ENOX1: variants seen among roughly 807,000 people sequenced by gnomAD.
ENOX1 encodes the protein ecto-NOX disulfide-thiol exchanger 1, also known as candidate growth-related and time keeping constitutive hydroquinone (NADH) oxidase.
Under a neutral mutation model 82.5 loss-of-function variants are expected in ENOX1, and 42 were observed. The ratio of observed to expected loss-of-function variants is 0.51; its 90% CI spans 0.40 to 0.66. The LOEUF is 0.66. Among genes scored for constraint, ENOX1 ranks in the 30% least tolerant of loss-of-function variants. ENOX1 has a pLI of 0.00. For synonymous variants in ENOX1, 271 were observed against 282.2 expected (o/e 0.96, Z 0.40); for missense variants, 608 against 811.6 (o/e 0.75, Z 3.05).
At chr13:43,620,010 ATC>A (rs2082654008) in intron 2 of ENOX1, among the ~76,000 whole-genome samples, 1 of 152,042 alleles carries the variant, frequency 6.6e-6, no homozygotes, top group African/African-American at 2.4e-5. Flanking sequence ...GAATTTATCC[ATC>A]TCTTCTAATT....
intron 2 of ENOX1, among the ~76,000 whole-genome samples, chr13:43,524,667 T>C (rs1380574634): frequency 6.6e-6 from 1 of 152,106 alleles, no homozygotes; most frequent in Non-Finnish European, 1.5e-5. Flanking sequence ...TTCCTCTGCC[T>C]GGAATGCTCT....
intron 2 of ENOX1, among the ~76,000 whole-genome samples, chr13:43,507,551 A>C (rs1258427022): frequency 1.3e-5 from 2 of 152,070 alleles, no homozygotes; most frequent in African/African-American, 2.4e-5. Flanking sequence ...AATCTAGCCA[A>C]ATCTAGCCAA....
intron 1 of ENOX1, among the ~76,000 whole-genome samples, chr13:43,733,840 C>T (rs1025251132): frequency 5.3e-5 from 8 of 152,094 alleles, no homozygotes; most frequent in African/African-American, 1.9e-4. Flanking sequence ...AGGGTCAGCC[C>T]TAATCTAATA....
At chr13:43,233,681 C>T (rs528987285) in intron 15 of ENOX1, among the ~76,000 whole-genome samples, 2 of 152,216 alleles carry the variant, frequency 1.3e-5, no homozygotes, top group Admixed American at 1.3e-4. Flanking sequence ...TGCCAGTGTG[C>T]GTTTCTTATA....
At chr13:43,620,995 A>G (rs1347111752) in intron 2 of ENOX1, among the ~76,000 whole-genome samples, 1 of 152,156 alleles carries the variant, frequency 6.6e-6, no homozygotes, top group Non-Finnish European at 1.5e-5. Flanking sequence ...TTACCATTAT[A>G]TAACATCTCT....
chr13:43,484,107 A>T lies in ENOX1; in HGVS notation c.-173T>A, dbSNP rs568825724. The T allele has an allele frequency of 1.0e-6, 1 of 985,526 alleles. No homozygotes were observed. The highest frequency in any genetic ancestry group is 6.1e-5 in the Admixed American group (1 of 16,276). 61.0% of individuals were successfully genotyped at this position (985,526 alleles called of 1,614,324 possible). ...TCTTTTAAATGGATGCTCTTCACAAAGGAAGTCTCATGGAAGACAGCATGG... is the reference window on the plus strand; with the variant it reads ...TCTTTTAAATGGATGCTCTTCACAATGGAAGTCTCATGGAAGACAGCATGG... On this transcript the variant is annotated 5_prime_UTR_variant, in exon 3 of 17. Coordinates refer to ENST00000690772, the MANE Select transcript of ENOX1 (RefSeq NM_001347969.2).
At chr13:43,601,990 T>A (rs2081743744) in intron 2 of ENOX1, among the ~76,000 whole-genome samples, 1 of 151,766 alleles carries the variant, frequency 6.6e-6, no homozygotes, top group African/African-American at 2.4e-5. Context: ...AAAGGAGAAA[T>A]AAACTATACA....
chr13:43,280,937 C>T (rs1003422349), intron 12 of ENOX1, among the ~76,000 whole-genome samples: 3 of 152,124 alleles, frequency 2.0e-5, no homozygotes, highest in Admixed American at 1.3e-4. Context: ...TGCTCCTTCC[C>T]CCAAAGTTTC....
intron 2 of ENOX1, among the ~76,000 whole-genome samples, chr13:43,561,999 G>C (rs1403598961): frequency 6.7e-6 from 1 of 150,326 alleles, no homozygotes; most frequent in Non-Finnish European, 1.5e-5. Flanking sequence ...GAGAGAGGGA[G>C]GGAGGGAGGG....
chr13:43,215,726 G>A (rs1035597615), intron 16 of ENOX1, among the ~76,000 whole-genome samples: 1 of 152,074 alleles, frequency 6.6e-6, no homozygotes, highest in Non-Finnish European at 1.5e-5. Flanking sequence ...ACAACCAGGG[G>A]TGCTGGGAGG....
chr13:43,462,492 C>T (rs557634492), intron 3 of ENOX1, among the ~76,000 whole-genome samples: 4 of 152,256 alleles, frequency 2.6e-5, no homozygotes, highest in African/African-American at 9.6e-5. Context: ...AAGCTTACAG[C>T]TGGCAAAAAA....
At chr13:43,218,161 C>G (rs975080125) in intron 16 of ENOX1, among the ~76,000 whole-genome samples, 2 of 152,080 alleles carry the variant, frequency 1.3e-5, no homozygotes, top group African/African-American at 4.8e-5. Context: ...TTTGAGAAAG[C>G]CAGAAATTAG....
intron 15 of ENOX1, among the ~76,000 whole-genome samples, chr13:43,233,690 T>C (rs1200718486): frequency 6.6e-6 from 1 of 152,192 alleles, no homozygotes; most frequent in Non-Finnish European, 1.5e-5. Context: ...GCGTTTCTTA[T>C]ATAACATTTA....
intron 2 of ENOX1, among the ~76,000 whole-genome samples, chr13:43,552,680 A>T (rs1267470530): frequency 6.6e-6 from 1 of 152,182 alleles, no homozygotes; most frequent in Non-Finnish European, 1.5e-5. Flanking sequence ...CCTGACATGA[A>T]TGGTTTTGCC....
chr13:43,651,154 G>A (rs1198508507), intron 2 of ENOX1, among the ~76,000 whole-genome samples: 1 of 151,800 alleles, frequency 6.6e-6, no homozygotes, highest in African/African-American at 2.4e-5. Flanking sequence ...ATCAAGCCTA[G>A]GAAAAATGCA....
In ENOX1 at chr13:43,461,535, A is replaced by T. The variant is rs114923021; in HGVS notation, c.-75+22474T>A. Reference sequence around the variant, plus strand: ...CAAGGTCTCTGTCCTCACGGACTCTATAAGTAGAATATATGAAAGGTGACT... The same window carrying T: ...CAAGGTCTCTGTCCTCACGGACTCTTTAAGTAGAATATATGAAAGGTGACT... On this transcript the variant is annotated intron_variant, in intron 3 of 16. Coordinates refer to ENST00000690772, the MANE Select transcript of ENOX1 (RefSeq NM_001347969.2). Among the ~76,000 whole-genome samples, 5 of 152,308 alleles carry T rather than the reference A, an allele frequency of 3.3e-5. No individual in the cohort carries two copies. In the East Asian group the frequency reaches 5.8e-4, roughly 18 times the overall value.
chr13:43,779,236 C>G (rs1362656445), intron 1 of ENOX1, among the ~76,000 whole-genome samples: 1 of 149,922 alleles, frequency 6.7e-6, no homozygotes, highest in East Asian at 2.0e-4. Flanking sequence ...GTTGAAGAAG[C>G]CAACCTTGTG....
intron 3 of ENOX1, among the ~76,000 whole-genome samples, chr13:43,470,325 T>TATAC (rs2057970052): frequency 1.5e-4 from 7 of 45,652 alleles, no homozygotes; most frequent in African/African-American, 4.2e-4. Context: ...TACACATATA[T>TATAC]ATATGTATAT....
At chr13:43,493,357 A>G (rs1320454918) in intron 2 of ENOX1, among the ~76,000 whole-genome samples, 1 of 152,220 alleles carries the variant, frequency 6.6e-6, no homozygotes, top group East Asian at 1.9e-4. Flanking sequence ...GCAAGGCTCA[A>G]TTCAAGTCTG....
Sources: gnomAD v4.1 joint callset for allele counts (sites outside exome capture counted in the v4.1 genomes callset) on GRCh38, gnomAD v4.1.1 for gene constraint, MANE v1.5 for transcripts, NCBI Gene and HGNC (gene_info 2026-07-23, HGNC 2026-07-21) for gene names.